The following RABEP2 variants were observed in gnomAD, a reference collection of about 807,000 sequenced individuals.
RABEP2 encodes rab GTPase-binding effector protein 2.
Under a neutral mutation model 74.1 loss-of-function variants are expected in RABEP2, and 57 were observed. That is an observed-to-expected ratio of 0.77 (90% CI 0.62 to 0.96). The LOEUF is 0.96. Among genes scored for constraint, RABEP2 ranks in the 40% least tolerant of loss-of-function variants. The probability of loss-of-function intolerance (pLI) is 0.00; values close to 1 mark genes in which losing one functional copy is unlikely to be tolerated. For synonymous variants in RABEP2, 351 were observed against 344.0 expected, an observed-to-expected ratio of 1.02 and a Z score of -0.23; for missense variants, 692 against 756.3, an observed-to-expected ratio of 0.91 and a Z score of 1.00.
At chr16:28,915,378 A>G (rs1448003134) in intron 3 of RABEP2, among the ~76,000 whole-genome samples, 2 of 150,900 alleles carry the variant, frequency 1.3e-5, no homozygotes, top group Non-Finnish European at 2.9e-5. Flanking sequence ...ACCAATGGCC[A>G]GCACACTTCA....
intron 8 of RABEP2, among the ~76,000 whole-genome samples, chr16:28,906,966 A>AAAAAT (rs768827389): frequency 1.3e-5 from 2 of 152,072 alleles, no homozygotes; most frequent in African/African-American, 2.4e-5. Context: ...CTCAAAAAAT[A>AAAAAT]AAAATAAAAT....
At chr16:28,922,691 C>T (rs1453734049) in intron 2 of RABEP2, among the ~76,000 whole-genome samples, 1 of 151,902 alleles carries the variant, frequency 6.6e-6, no homozygotes, top group Admixed American at 6.6e-5. Context: ...CACCACTGTA[C>T]TCCAGCCTGG....
At chr16:28,924,379 G>C (rs751815121) in intron 2 of RABEP2, 24 bp downstream of exon 2, 31 of 1,598,438 alleles carry the variant, frequency 1.9e-5, no homozygotes, top group Non-Finnish European at 2.6e-5. Flanking sequence ...TTGATGGGGA[G>C]TCTAGGTGAG....
intron 5 of RABEP2, among the ~76,000 whole-genome samples, chr16:28,911,655 AG>A (rs1393118994): frequency 7.0e-6 from 1 of 142,854 alleles, no homozygotes; most frequent in Non-Finnish European, 1.5e-5. Context: ...CTCAAAAAAG[AG>A]AAAAAAAAAA....
In RABEP2 at chr16:28,904,422, G is replaced by T. The variant is rs1180402817; in HGVS notation, c.*521C>A. Reference sequence around the variant, plus strand: ...GCTTGCAGGGACAAGGCGACCGACTGCGCTGAGCTGCTTATTTATTGAAAA... The same window carrying T: ...GCTTGCAGGGACAAGGCGACCGACTTCGCTGAGCTGCTTATTTATTGAAAA... On this transcript the variant is annotated 3_prime_UTR_variant, in exon 13 of 13. Transcript: ENST00000358201. 2.6e-6 allele frequency: 4 copies of T among 1,533,240 alleles called. No individual in the cohort carries two copies. Among genetic ancestry groups the T allele is most frequent in the East Asian group, 2.4e-5 (1 of 40,906 alleles). The allele number at this position is 1,533,240 out of a possible 1,614,324, so 95.0% of individuals were successfully genotyped here.
intron 11 of RABEP2, 21 bp from the exon 12 acceptor site, chr16:28,905,534 C>T: frequency 1.2e-6 from 2 of 1,604,658 alleles, no homozygotes; most frequent in East Asian, 2.2e-5. Context: ...AGACACCACA[C>T]TGAGCTGGGC....
In RABEP2 at chr16:28,914,216, A is replaced by G; in HGVS notation, c.894+20T>C. On this transcript the variant is annotated intron_variant, in intron 5 of 12. Transcript: ENST00000358201. ...AGAGAGGGGGATGGTACACCCCGCC[A>G]CCCTGCCCACAACACTCACCTCTGT... The G allele has an allele frequency of 6.4e-7, 1 of 1,559,554 alleles. No homozygotes were observed. The highest frequency in any genetic ancestry group is 8.7e-7 in the Non-Finnish European group (1 of 1,151,708).
intron 3 of RABEP2, among the ~76,000 whole-genome samples, chr16:28,918,388 C>T (rs1308361996): frequency 1.3e-5 from 2 of 152,008 alleles, no homozygotes; most frequent in African/African-American, 2.4e-5. Flanking sequence ...GGAGGCGGGC[C>T]GATCACTAGA....
intron 3 of RABEP2, among the ~76,000 whole-genome samples, chr16:28,915,349 G>C (rs1265506369): frequency 6.6e-6 from 1 of 150,632 alleles, no homozygotes; most frequent in East Asian, 2.0e-4. Context: ...GTGATTCCCA[G>C]CATCTGGGTT....
intron 9 of RABEP2, 46 bp from the exon 10 acceptor site, chr16:28,905,924 T>G: frequency 6.2e-7 from 1 of 1,613,082 alleles, no homozygotes; most frequent in East Asian, 2.2e-5. Context: ...CTCTCTCCCC[T>G]CCCCGCTGCT....
At chr16:28,914,638 C>G in intron 4 of RABEP2, 34 bp downstream of exon 4, 2 of 1,612,384 alleles carry the variant, frequency 1.2e-6, no homozygotes, top group South Asian at 1.1e-5. Flanking sequence ...TCTGGCACCC[C>G]TCCTTCCCCA....
At chr16:28,924,205 GAC>G (rs1321228949) in intron 2 of RABEP2, 196 bp downstream of exon 2, 1 of 593,966 alleles carries the variant, frequency 1.7e-6, no homozygotes, top group Non-Finnish European at 3.0e-6. Context: ...AGCTATAACT[GAC>G]AGAGCTGCTG....
rs764434216 is a variant in RABEP2, at chr16:28,924,601, G to C, written c.76C>G (p.Arg26Gly). ...RRPGAALEDS[R>G]SQEGANGEAE... is the part of the protein sequence containing the mutation. ...TCACCATTTGCCCCTTCCTGGGACC[G>C]GGAGTCCTCCAGTGCTGTGGGGGAC... is the stretch of plus-strand genomic sequence containing the variant. Residue 26 changes from arginine to glycine, a missense_variant, in exon 2 of 13, where the codon CGG becomes GGG. Physicochemically the swap from Arg to Gly is moderately radical, Grantham distance 125. Coordinates refer to ENST00000358201, the MANE Select transcript of RABEP2 (RefSeq NM_024816.3). 2 of 1,610,886 alleles carry C rather than the reference G, an allele frequency of 1.2e-6. No individual in the cohort carries two copies. Among genetic ancestry groups the C allele is most frequent in the South Asian group, 2.2e-5 (2 of 91,066 alleles).
At chr16:28,916,799 C>T (rs1013844017) in intron 3 of RABEP2, among the ~76,000 whole-genome samples, 2 of 151,306 alleles carry the variant, frequency 1.3e-5, no homozygotes, top group Non-Finnish European at 2.9e-5. Context: ...GACTGGCCAA[C>T]GTGGTGAAAC....
At chr16:28,914,905 C>A (rs1964368208) in intron 3 of RABEP2, 123 bp from the exon 4 acceptor site, 1 of 763,206 alleles carries the variant, frequency 1.3e-6, no homozygotes, top group South Asian at 1.8e-5. Flanking sequence ...GTGCTGTCCA[C>A]CCTCATTCCA....
Position 28,910,847 on chromosome 16 carries a change from G to A in RABEP2, c.1089+41C>T, listed in dbSNP as rs1192163337. ...CCACCACGTGCAACTGATTCCTGCT[G>A]GACTCCTCGCCCTCCTGCCCTAGGG... is the stretch of plus-strand genomic sequence containing the variant. On this transcript the variant is annotated intron_variant, in intron 7 of 12. Transcript: ENST00000358201. 3 of 1,541,132 alleles carry A rather than the reference G, an allele frequency of 1.9e-6. No homozygotes were observed. The African/African-American group carries it at 4.1e-5, about 21-fold the overall frequency.
intron 3 of RABEP2, among the ~76,000 whole-genome samples, chr16:28,918,732 C>T (rs373836062): frequency 2.0e-5 from 3 of 151,884 alleles, no homozygotes; most frequent in African/African-American, 7.3e-5. Context: ...TAGCTTGCTG[C>T]AAGCTTGATT....
intron 2 of RABEP2, among the ~76,000 whole-genome samples, chr16:28,920,181 T>C (rs1964451610): frequency 1.3e-5 from 2 of 151,364 alleles, no homozygotes; most frequent in Admixed American, 6.6e-5. Flanking sequence ...ACAGACTAAA[T>C]GAGATGACAT....
Position 28,924,644 on chromosome 16 carries a change from C to T in RABEP2, c.62-29G>A, listed in dbSNP as rs192626716. 1.2e-4 allele frequency: 189 copies of T among 1,590,160 alleles called. No homozygotes were observed. In the Middle Eastern group the frequency reaches 2.7e-3, roughly 22 times the overall value. On this transcript the variant is annotated intron_variant, in intron 1 of 12. Transcript: ENST00000358201. ...TGGGGGACAGGGATCAGCCTCTCTT[C>T]CCATCTCTTACCCCAGGCCACCTAC...
Sources: allele counts gnomAD v4.1 joint callset (sites outside exome capture counted in the v4.1 genomes callset), GRCh38; gene constraint gnomAD v4.1.1; transcripts MANE v1.5; gene names NCBI Gene and HGNC (gene_info 2026-07-23, HGNC 2026-07-21).